GMEB2: variants seen among roughly 807,000 people sequenced by gnomAD.
The protein encoded by GMEB2 is glucocorticoid modulatory element binding protein 2, also known as glucocorticoid modulatory element-binding protein 2.
GMEB2 carries 7 observed loss-of-function variants against 45.7 expected under a neutral mutation model. The observed-to-expected ratio is 0.15, with a 90% confidence interval of 0.09 to 0.29. The LOEUF (loss-of-function observed/expected upper bound fraction) is 0.29. Among genes scored for constraint, GMEB2 ranks in the 10% least tolerant of loss-of-function variants. The pLI is 1.00. For synonymous variants in GMEB2, 322 were observed against 323.6 expected (o/e 1.00, Z 0.05); for missense variants, 582 against 739.2 (o/e 0.79, Z 2.47).
In GMEB2 at chr20:63,604,849, G is replaced by A. The variant is rs2089506517; in HGVS notation, c.132-9C>T. On this transcript the variant is annotated splice_polypyrimidine_tract_variant and intron_variant, in intron 2 of 9. Coordinates refer to ENST00000370077, the MANE Select transcript of GMEB2 (RefSeq NM_012384.5). Reference sequence around the variant, plus strand: ...CTTCCGTCAGGTCGCCCCTGGTGAAGTGAAGGGAGGAGAGAATAGAATCAG... The same window carrying A: ...CTTCCGTCAGGTCGCCCCTGGTGAAATGAAGGGAGGAGAGAATAGAATCAG... The A allele has an allele frequency of 2.0e-6, 3 of 1,506,642 alleles. No homozygotes were observed. Among genetic ancestry groups the A allele is most frequent in the Non-Finnish European group, 2.8e-6 (3 of 1,081,618 alleles). The allele number at this position is 1,506,642 out of a possible 1,614,324, so 93.3% of individuals were successfully genotyped here.
chr20:63,606,399 G>A (rs1402044485), intron 2 of GMEB2, among the ~76,000 whole-genome samples: 4 of 148,294 alleles, frequency 2.7e-5, no homozygotes, highest in African/African-American at 7.5e-5. Flanking sequence ...TCAGGCTGGA[G>A]TGCAGTGGCG....
chr20:63,607,780 C>CCA (rs758760184), intron 2 of GMEB2, among the ~76,000 whole-genome samples: 1 of 12,052 alleles, frequency 8.3e-5, no homozygotes, highest in Non-Finnish European at 4.5e-4. Context: ...CCCTCTGACC[C>CCA]CACATCCATT....
At chr20:63,590,782 C>A in intron 9 of GMEB2, 53 bp from the exon 10 acceptor site, 3 of 1,165,268 alleles carry the variant, frequency 2.6e-6, no homozygotes, top group Non-Finnish European at 3.5e-6. Context: ...TGGATGGCGG[C>A]ATGCAGGGGA....
At chr20:63,598,343 G>GACACACACACAC (rs67747559) in intron 4 of GMEB2, among the ~76,000 whole-genome samples, 9,088 of 146,062 alleles carry the variant, frequency 0.062, 404 homozygotes, top group Non-Finnish European at 0.095. Context: ...CTCTCACTCT[G>GACACACACACAC]ACACACACAC....
chr20:63,604,699 G>T, intron 3 of GMEB2, 44 bp downstream of exon 3: 1 of 1,040,146 alleles, frequency 9.6e-7, no homozygotes, highest in Non-Finnish European at 1.5e-6. Context: ...TCCTGTCCCT[G>T]CTGCGGCAAG....
chr20:63,606,203 G>A (rs186939780), intron 2 of GMEB2, among the ~76,000 whole-genome samples: 4 of 151,580 alleles, frequency 2.6e-5, no homozygotes, highest in African/African-American at 9.7e-5. Context: ...AGTATTAGAA[G>A]GAAAAAAATA....
chr20:63,610,332 T>C (rs535511150), intron 2 of GMEB2, among the ~76,000 whole-genome samples: 2 of 152,188 alleles, frequency 1.3e-5, no homozygotes. Flanking sequence ...CCATCCTGGC[T>C]AACACGGTGA....
At chr20:63,603,489 G>A (rs1185314819) in intron 3 of GMEB2, among the ~76,000 whole-genome samples, 2 of 152,202 alleles carry the variant, frequency 1.3e-5, no homozygotes, top group Non-Finnish European at 2.9e-5. Flanking sequence ...CCAGCACTTT[G>A]GGAGGCCGAG....
chr20:63,611,794 G>A (rs139430754), intron 2 of GMEB2, among the ~76,000 whole-genome samples: 27 of 151,818 alleles, frequency 1.8e-4, no homozygotes, highest in African/African-American at 6.5e-4. Context: ...GAGGTGGGAG[G>A]ACTGCTTGAG....
At chr20:63,591,129 AG>A (rs2083142969) in intron 9 of GMEB2, among the ~76,000 whole-genome samples, 1 of 151,556 alleles carries the variant, frequency 6.6e-6, no homozygotes, top group African/African-American at 2.4e-5. Flanking sequence ...TAAGAGAGAG[AG>A]GAGGAAAAGC....
At chr20:63,626,252 C>A (rs964162643) in intron 1 of GMEB2, among the ~76,000 whole-genome samples, 1 of 12,446 alleles carries the variant, frequency 8.0e-5, no homozygotes, top group Non-Finnish European at 5.6e-4. Context: ...CGCGTCCCTG[C>A]GAGTTGGGTG....
intron 4 of GMEB2, among the ~76,000 whole-genome samples, chr20:63,601,367 T>C (rs1048721259): frequency 6.6e-6 from 1 of 152,188 alleles, no homozygotes. Context: ...ATAGATGTGT[T>C]TGACTCTCGT....
intron 2 of GMEB2, among the ~76,000 whole-genome samples, chr20:63,612,818 G>C (rs922242113): frequency 9.2e-5 from 14 of 152,176 alleles, no homozygotes; most frequent in African/African-American, 3.4e-4. Context: ...AGACCAGCAG[G>C]TCCTTGCCAA....
rs911158521 is a variant in GMEB2, at chr20:63,619,049, C to T, written c.131+218G>A. Among the ~76,000 whole-genome samples, 4 of 152,200 alleles carry T rather than the reference C, an allele frequency of 2.6e-5. No individual in the cohort carries two copies. Among genetic ancestry groups the T allele is most frequent in the African/African-American group, 9.6e-5 (4 of 41,456 alleles). ...GTGGAGCCACGTGGCCATGCAGGTA[C>T]GGGAGGCCTCCCCGCAGCTGCAGCT... is the stretch of plus-strand genomic sequence containing the variant. On this transcript the variant is annotated intron_variant, in intron 2 of 9. Transcript: ENST00000370077. This position sits in a 1 kb window ranked among gnomAD's most constrained non-coding sequence, Gnocchi z 4.6.
At chr20:63,624,559 A>G (rs2089658376) in intron 1 of GMEB2, among the ~76,000 whole-genome samples, 1 of 152,228 alleles carries the variant, frequency 6.6e-6, no homozygotes, top group Non-Finnish European at 1.5e-5. Flanking sequence ...CAGCAGGGGC[A>G]ACTAAAGTCA....
chr20:63,596,583 AG>A (rs2083202390), intron 5 of GMEB2, among the ~76,000 whole-genome samples: 2 of 152,256 alleles, frequency 1.3e-5, no homozygotes, highest in Non-Finnish European at 2.9e-5. Context: ...GGACAGGGAA[AG>A]GACCTGAGCC....
rs930358448 is a variant in GMEB2 at position 63,610,297 on chromosome 20, G to A, written c.132-5457C>T. 3.0e-4 allele frequency among the ~76,000 whole-genome samples: 45 copies of A among 152,290 alleles called. 1 individual carries two copies. Among genetic ancestry groups the A allele is most frequent in the African/African-American group, 1.0e-3 (42 of 41,558 alleles). ...AGCACTTTGGGAGGCCGAGGCAGGC[G>A]GATCACAAGGTCAGGAGATCGAGAC... On this transcript the variant is annotated intron_variant, in intron 2 of 9. Transcript: ENST00000370077.
chr20:63,603,172 A>G, intron 3 of GMEB2, 80 bp from the exon 4 acceptor site: 1 of 1,481,038 alleles, frequency 6.8e-7, no homozygotes, highest in Non-Finnish European at 9.3e-7. Flanking sequence ...CTGAAAATGC[A>G]GAAAATAGCT....
rs1485817454 is a variant in GMEB2 at position 63,590,401 on chromosome 20, C to A, written c.1281G>T (p.Leu427=). The A allele has an allele frequency of 2.5e-6, 4 of 1,583,706 alleles. No homozygotes were observed. The highest frequency in any genetic ancestry group is 2.2e-5 in the South Asian group (2 of 89,412). Residue 427 remains leucine (L), a synonymous_variant, in exon 10 of 10, where the codon CTG becomes CTT. Transcript: ENST00000370077. The part of the protein sequence containing the change: ...APPASSPASP[L]LGGYTVLASS... ...AGGCCAAGACTGTGTATCCCCCGAG[C>A]AGCGGGGAGGCCGGGGAGCTGGCGG... is the stretch of plus-strand genomic sequence containing the variant.
Sources: gnomAD v4.1 joint callset for allele counts (sites outside exome capture counted in the v4.1 genomes callset) on GRCh38, gnomAD v4.1.1 for gene constraint, Gnocchi (gnomAD v3.1) non-coding constraint, MANE v1.5 for transcripts, NCBI Gene and HGNC (gene_info 2026-07-23, HGNC 2026-07-21) for gene names.